ADGRD2: variants seen among roughly 807,000 people sequenced by gnomAD.
ADGRD2 encodes G protein-coupled receptor PGR24.
In ADGRD2, 71 loss-of-function variants were observed where a neutral mutation model predicts 44.4. The observed-to-expected ratio is 1.60, with a 90% confidence interval of 1.32 to 1.95. The LOEUF is 1.95. ADGRD2 is among the 30% of genes most tolerant of loss of function. The pLI is 0.00. For missense variants in ADGRD2, 1,039 were observed against 512.4 expected (o/e 2.03, Z -9.92); for synonymous variants, 481 against 224.8 (o/e 2.14, Z -10.19).
intron 17 of ADGRD2, among the ~76,000 whole-genome samples, chr9:124,473,242 G>A (rs1831986021): frequency 6.6e-6 from 1 of 152,274 alleles, no homozygotes; most frequent in Non-Finnish European, 1.5e-5. Context: ...ACTCAGGGAT[G>A]AGACTCTGCC....
At chr9:124,476,571 G>T in intron 20 of ADGRD2, 108 bp from the exon 24 acceptor site, 1 of 639,236 alleles carries the variant, frequency 1.6e-6, no homozygotes, top group Non-Finnish European at 2.8e-6. Flanking sequence ...CCAGGGAGGG[G>T]GAGCTGCTGG....
At chr9:124,460,964 T>A (rs1203023021) in intron 10 of ADGRD2, among the ~76,000 whole-genome samples, 2 of 152,180 alleles carry the variant, frequency 1.3e-5, no homozygotes, top group African/African-American at 4.8e-5. Context: ...TCTGCCAACA[T>A]CCTTGTCAGT....
Position 124,454,881 on chromosome 9 carries a change from G to A in ADGRD2, c.1149G>A (p.Leu383=), listed in dbSNP as rs1466203668. Reference sequence around the variant, plus strand: ...CCCTCTCCGAAGTCCATGGGGCCCTGTCCCCAGCGGAGGCCTCCAGCTTCC... The same window carrying A: ...CCCTCTCCGAAGTCCATGGGGCCCTATCCCCAGCGGAGGCCTCCAGCTTCC... The change falls in exon 6 of 22, where the codon CTG becomes CTA. Residue 383 remains leucine, a synonymous_variant. Transcript: ENST00000334810. The surrounding 1 kb of genome is among the most constrained non-coding windows in gnomAD (Gnocchi z 4.5). 4 of 711,560 alleles carry A rather than the reference G, an allele frequency of 5.6e-6. No individual in the cohort carries two copies. The Admixed American group carries it at 6.0e-5, about 11-fold the overall frequency. 44.1% of individuals were successfully genotyped at this position (711,560 alleles called of 1,614,324 possible).
At chr9:124,476,302 G>A (rs1218377669) in intron 19 of ADGRD2, 55 bp from the exon 23 acceptor site, 1 of 668,078 alleles carries the variant, frequency 1.5e-6, no homozygotes, top group Non-Finnish European at 2.8e-6. Flanking sequence ...GGATGGGGGA[G>A]CAGAGAGAGG....
exon 13 of ADGRD2, chr9:124,468,127 C>T (rs775054438): frequency 3.4e-4 from 242 of 718,494 alleles, no homozygotes; most frequent in Non-Finnish European, 5.6e-4. Context: ...ACAAGAACCT[C>T]ACCTTCTCCC....
intron 21 of ADGRD2, 53 bp downstream of exon 24, chr9:124,476,762 C>T (rs1588611320): frequency 1.5e-6 from 1 of 680,092 alleles, no homozygotes; most frequent in South Asian, 1.6e-5. Flanking sequence ...CCTGGACACC[C>T]CCTAAGCCCC....
intron 17 of ADGRD2, among the ~76,000 whole-genome samples, chr9:124,473,913 G>A (rs1831998012): frequency 1.3e-5 from 2 of 151,626 alleles, no homozygotes. Flanking sequence ...GAGGGGTAAG[G>A]CTGGCGAGAA....
intron 10 of ADGRD2, among the ~76,000 whole-genome samples, chr9:124,460,420 G>A (rs745973154): frequency 8.0e-5 from 12 of 150,292 alleles, no homozygotes; most frequent in Non-Finnish European, 1.6e-4. Flanking sequence ...GTTTCTCCAT[G>A]TTGATCAGGC....
rs962968925 is a variant in ADGRD2 at position 124,463,017 on chromosome 9, G to C, written c.1871-3241G>C. Among the ~76,000 whole-genome samples, 8 of 149,518 alleles carry C rather than the reference G, an allele frequency of 5.4e-5. No homozygotes were observed. The Admixed American group carries it at 5.4e-4, about 10-fold the overall frequency. On this transcript the variant is annotated intron_variant, in intron 10 of 21. Coordinates refer to ENST00000334810, the Ensembl canonical transcript of ADGRD2. ...TTCTTTTTCTTCCCTTGTTGCACCA[G>C]CTAGGATCTCTGGATCAATGTTGAA...
chr9:124,455,001 C>T, exon 6 of ADGRD2: 1 of 718,388 alleles, frequency 1.4e-6, no homozygotes, highest in East Asian at 2.7e-5. Flanking sequence ...GGGTGGTGGC[C>T]CTCGGGGCTG....
chr9:124,456,631 G>A (rs1186395322), exon 7 of ADGRD2: 7 of 718,114 alleles, frequency 9.7e-6, no homozygotes, highest in Admixed American at 2.0e-5. Flanking sequence ...GGTGATTGGT[G>A]GGCCTATGGC....
intron 17 of ADGRD2, 58 bp from the exon 21 acceptor site, chr9:124,475,388 G>A: frequency 1.4e-6 from 1 of 692,986 alleles, no homozygotes; most frequent in Non-Finnish European, 2.7e-6. Context: ...GCAAGGCCAG[G>A]CTGTGGGGGA....
At chr9:124,478,289 A>G (rs1832085940) in exon 22 of ADGRD2, 1 of 152,444 alleles carries the variant, frequency 6.6e-6, no homozygotes, top group South Asian at 2.1e-4. Context: ...AGGTTTCTAG[A>G]GAGTGGCTGG....
intron 10 of ADGRD2, among the ~76,000 whole-genome samples, chr9:124,459,718 A>G (rs949367340): frequency 2.0e-5 from 3 of 152,194 alleles, no homozygotes; most frequent in Non-Finnish European, 2.9e-5. Context: ...AGCTATTTAT[A>G]TAGCATTTAA....
intron 12 of ADGRD2, 121 bp downstream of exon 15, chr9:124,467,945 C>T: frequency 1.4e-6 from 1 of 699,878 alleles, no homozygotes; most frequent in Non-Finnish European, 2.7e-6. Flanking sequence ...CTGAGCCTCT[C>T]CTTAGGATGT....
intron 17 of ADGRD2, among the ~76,000 whole-genome samples, chr9:124,474,864 CCT>C (rs780418408): frequency 6.6e-6 from 1 of 152,156 alleles, no homozygotes; most frequent in Non-Finnish European, 1.5e-5. Context: ...GTGGTGAGGC[CCT>C]CTTGGTCCCA....
At chr9:124,453,256 G>T (rs780598584) in exon 3 of ADGRD2, 9 of 543,362 alleles carry the variant, frequency 1.7e-5, no homozygotes, top group South Asian at 9.1e-5. Context: ...CGTCGTGCGC[G>T]CTGCGCTGGT....
rs1038831782 is a variant in ADGRD2 at position 124,458,251 on chromosome 9, C to G, written c.1764+15C>G. 1 of 718,170 alleles carries G rather than the reference C, an allele frequency of 1.4e-6. No individual in the cohort carries two copies. Among genetic ancestry groups the G allele is most frequent in the East Asian group, 2.7e-5 (1 of 37,284 alleles). 44.5% of individuals were successfully genotyped at this position (718,170 alleles called of 1,614,324 possible). ...AGGGTGCAGAGGTGAGTAGGCGCCA[C>G]CTGGAGGGCTGTGAGGGCCTGTGTC... is the stretch of plus-strand genomic sequence containing the variant. On this transcript the variant is annotated intron_variant, in intron 9 of 21. Transcript: ENST00000334810.
intron 11 of ADGRD2, chr9:124,467,061 G>A (rs971030919): frequency 6.5e-5 from 10 of 152,788 alleles, no homozygotes; most frequent in South Asian, 2.1e-4. Flanking sequence ...GGCCAGGCAC[G>A]GTGGCTCCCA....
Sources: gnomAD v4.1 joint callset for allele counts (sites outside exome capture counted in the v4.1 genomes callset) on GRCh38, gnomAD v4.1.1 for gene constraint, Gnocchi (gnomAD v3.1) non-coding constraint, MANE v1.5 for transcripts, NCBI Gene and HGNC (gene_info 2026-07-23, HGNC 2026-07-21) for gene names.